The following ADAMTS18 variants were observed in gnomAD, a reference collection of about 807,000 sequenced individuals.
The protein encoded by ADAMTS18 is A disintegrin and metalloproteinase with thrombospondin motifs 18.
ADAMTS18 carries 157 observed loss-of-function variants against 165.9 expected under a neutral mutation model. The ratio of observed to expected loss-of-function variants is 0.95; its 90% CI spans 0.83 to 1.08. The LOEUF (loss-of-function observed/expected upper bound fraction) is 1.08. ADAMTS18 is among the 50% of genes least tolerant of loss of function. The pLI, the probability that ADAMTS18 is intolerant of heterozygous loss-of-function variation, is 0.00. For missense variants in ADAMTS18, 2,040 were observed against 1,534.0 expected (o/e 1.33, Z -5.51); for synonymous variants, 782 against 578.2 (o/e 1.35, Z -5.06).
intron 3 of ADAMTS18, among the ~76,000 whole-genome samples, chr16:77,372,696 A>G (rs965985824): frequency 6.6e-6 from 1 of 152,222 alleles, no homozygotes; most frequent in African/African-American, 2.4e-5. Context: ...CAGATTTCAC[A>G]ACCCGAGAAA....
intron 12 of ADAMTS18, among the ~76,000 whole-genome samples, chr16:77,330,919 C>G (rs1050736635): frequency 6.6e-6 from 1 of 152,068 alleles, no homozygotes; most frequent in Non-Finnish European, 1.5e-5. Context: ...AAATCCATAA[C>G]TTGAAATAGG....
At chr16:77,286,329 C>T (rs924523732) in intron 22 of ADAMTS18, among the ~76,000 whole-genome samples, 6 of 152,112 alleles carry the variant, frequency 3.9e-5, no homozygotes, top group Non-Finnish European at 7.4e-5. Flanking sequence ...ACTTTACTTT[C>T]TGACACTGTG....
In ADAMTS18 at chr16:77,363,890, TG is replaced by T. The variant is rs2056753011; in HGVS notation, c.973-6del. On this transcript the variant is annotated splice_region_variant and splice_polypyrimidine_tract_variant and intron_variant, in intron 5 of 22. Transcript: ENST00000282849. ...ATCTTTAAATAGGCCAGAAACCTGT[TG>T]GAACAATGGAAATCAAACAAAATCT... 1.9e-6 allele frequency: 3 copies of T among 1,613,676 alleles called. No homozygotes were observed. Among genetic ancestry groups the T allele is most frequent in the Non-Finnish European group, 2.5e-6 (3 of 1,179,814 alleles).
At chr16:77,328,239 G>T (rs2056128371) in intron 12 of ADAMTS18, among the ~76,000 whole-genome samples, 1 of 152,092 alleles carries the variant, frequency 6.6e-6, no homozygotes, top group African/African-American at 2.4e-5. Context: ...ATCGTACCCA[G>T]CTTACTCCGT....
At chr16:77,322,139 A>C (rs2056010712) in intron 14 of ADAMTS18, among the ~76,000 whole-genome samples, 197 bp downstream of exon 14, 1 of 132,306 alleles carries the variant, frequency 7.6e-6, no homozygotes, top group Admixed American at 8.0e-5. Context: ...TGGGTGACAG[A>C]GTGAAATTTC....
chr16:77,396,406 C>T (rs892486505), intron 3 of ADAMTS18, among the ~76,000 whole-genome samples: 12 of 152,302 alleles, frequency 7.9e-5, no homozygotes, highest in African/African-American at 2.9e-4. Context: ...AATATGACTG[C>T]ACTTCAGCAT....
intron 3 of ADAMTS18, among the ~76,000 whole-genome samples, chr16:77,400,460 G>GTC (rs1489838942): frequency 7.4e-5 from 10 of 135,332 alleles, no homozygotes; most frequent in African/African-American, 3.0e-4. Flanking sequence ...GTGTGTCTGT[G>GTC]TGTGTGTGTG....
At chr16:77,323,417 G>A (rs896874809) in intron 13 of ADAMTS18, among the ~76,000 whole-genome samples, 2 of 152,090 alleles carry the variant, frequency 1.3e-5, no homozygotes, top group African/African-American at 2.4e-5. Flanking sequence ...GGGTTAAAAG[G>A]TTCTCTCCCA....
intron 22 of ADAMTS18, among the ~76,000 whole-genome samples, 158 bp from the exon 23 acceptor site, chr16:77,284,229 G>A (rs910248549): frequency 4.0e-5 from 6 of 151,072 alleles, no homozygotes; most frequent in East Asian, 3.9e-4. Flanking sequence ...AGGTTCAAAC[G>A]ATTCTCCTGC....
At chr16:77,430,616 G>A (rs539825216) in intron 3 of ADAMTS18, among the ~76,000 whole-genome samples, 5 of 152,250 alleles carry the variant, frequency 3.3e-5, no homozygotes, top group East Asian at 1.9e-4. Flanking sequence ...TTACCGCCTC[G>A]TATATTTGAT....
intron 3 of ADAMTS18, among the ~76,000 whole-genome samples, chr16:77,405,111 G>C (rs1384428419): frequency 6.6e-6 from 1 of 152,200 alleles, no homozygotes; most frequent in Non-Finnish European, 1.5e-5. Context: ...GACAAAGGGA[G>C]CATTTGTCTT....
intron 8 of ADAMTS18, among the ~76,000 whole-genome samples, chr16:77,356,904 T>G (rs1358606729): frequency 2.6e-5 from 4 of 151,786 alleles, no homozygotes; most frequent in Non-Finnish European, 5.9e-5. Flanking sequence ...CTTCAGGCGA[T>G]GTTAAAGTGG....
At chr16:77,334,848 A>AG in intron 12 of ADAMTS18, among the ~76,000 whole-genome samples, 1 of 129,634 alleles carries the variant, frequency 7.7e-6, no homozygotes, top group East Asian at 2.2e-4. Flanking sequence ...TACAGTATAT[A>AG]TAATATACTA....
chr16:77,423,297 G>A (rs1642508318), intron 3 of ADAMTS18, among the ~76,000 whole-genome samples: 1 of 152,174 alleles, frequency 6.6e-6, no homozygotes, highest in Non-Finnish European at 1.5e-5. Context: ...TATCTAGGCT[G>A]AAACTCTTTT....
intron 13 of ADAMTS18, among the ~76,000 whole-genome samples, chr16:77,325,563 C>G (rs1173225207): frequency 1.3e-5 from 2 of 151,600 alleles, no homozygotes; most frequent in African/African-American, 4.9e-5. Context: ...CAATTAAGAT[C>G]CCTGGGAGAC....
chr16:77,387,290 C>G (rs895244276), intron 3 of ADAMTS18, among the ~76,000 whole-genome samples: 1 of 152,174 alleles, frequency 6.6e-6, no homozygotes, highest in Non-Finnish European at 1.5e-5. Flanking sequence ...AACTCTGGCT[C>G]ATTTCCATCT....
chr16:77,319,676 C>G (rs1470872627), intron 16 of ADAMTS18, among the ~76,000 whole-genome samples, 173 bp downstream of exon 16: 1 of 152,088 alleles, frequency 6.6e-6, no homozygotes, highest in Non-Finnish European at 1.5e-5. Flanking sequence ...CTCCTGCCCT[C>G]AGCTGATCCG....
chr16:77,314,753 C>CTTATATATAT (rs1555511655), intron 16 of ADAMTS18, among the ~76,000 whole-genome samples: 1,724 of 36,804 alleles, frequency 0.047, 372 homozygotes, highest in Non-Finnish European at 0.067. Flanking sequence ...TCTCAGGTTT[C>CTTATATATAT]ATATATATAT....
chr16:77,414,236 G>A (rs543625163), intron 3 of ADAMTS18, among the ~76,000 whole-genome samples: 1 of 152,236 alleles, frequency 6.6e-6, no homozygotes, highest in East Asian at 1.9e-4. Flanking sequence ...AATACAAAGG[G>A]ACTATTACTC....
Sources: gnomAD v4.1 joint callset for allele counts (sites outside exome capture counted in the v4.1 genomes callset) on GRCh38, gnomAD v4.1.1 for gene constraint, MANE v1.5 for transcripts, NCBI Gene and HGNC (gene_info 2026-07-23, HGNC 2026-07-21) for gene names.